The following ARK2N variants were observed in gnomAD, a reference collection of about 807,000 sequenced individuals.
ARK2N encodes protein ARK2N.
the ARK2N span, among the ~76,000 whole-genome samples, chr18:46,259,665 G>T: frequency 6.6e-6 from 1 of 151,992 alleles, no homozygotes; most frequent in Non-Finnish European, 1.5e-5. Flanking sequence ...GAGTGCAGTA[G>T]CATGATCTCT....
chr18:46,201,529 T>C, the ARK2N span, among the ~76,000 whole-genome samples: 1 of 152,134 alleles, frequency 6.6e-6, no homozygotes, highest in African/African-American at 2.4e-5. Flanking sequence ...CGGATTTCTT[T>C]GCTTTTTCAG....
the ARK2N span, among the ~76,000 whole-genome samples, chr18:46,245,704 T>G: frequency 6.6e-6 from 1 of 152,216 alleles, no homozygotes; most frequent in Non-Finnish European, 1.5e-5. Flanking sequence ...TATGTAGTAT[T>G]ACTTTCTCTT....
At chr18:46,243,817 A>G in the ARK2N span, among the ~76,000 whole-genome samples, 1 of 152,188 alleles carries the variant, frequency 6.6e-6, no homozygotes, top group Non-Finnish European at 1.5e-5. Flanking sequence ...CTACTCCAAA[A>G]GGTTATTGTT....
chr18:46,221,985 ACTGT>A, the ARK2N span, among the ~76,000 whole-genome samples: 2 of 152,232 alleles, frequency 1.3e-5, no homozygotes, highest in Non-Finnish European at 2.9e-5. Context: ...TCAGGTAAAA[ACTGT>A]CTATTTTCAG....
At chr18:46,196,050 G>A in the ARK2N span, among the ~76,000 whole-genome samples, 8 of 151,338 alleles carry the variant, frequency 5.3e-5, no homozygotes, top group Non-Finnish European at 1.0e-4. Flanking sequence ...GTGCGATCTC[G>A]GCTCACAGCA....
the ARK2N span, among the ~76,000 whole-genome samples, chr18:46,200,311 C>T: frequency 2.7e-5 from 4 of 146,800 alleles, no homozygotes; most frequent in East Asian, 1.9e-4. Flanking sequence ...TTTGTTTGTT[C>T]GTTTGTTTTT....
chr18:46,207,780 AC>A, the ARK2N span, among the ~76,000 whole-genome samples: 35 of 152,164 alleles, frequency 2.3e-4, no homozygotes, highest in Admixed American at 1.4e-3. Context: ...AATAACTGCA[AC>A]CCTTCCATAA....
chr18:46,220,548 A>G, the ARK2N span, among the ~76,000 whole-genome samples: 1 of 152,192 alleles, frequency 6.6e-6, no homozygotes, highest in African/African-American at 2.4e-5. Context: ...ATCACCCACA[A>G]TTCTGCTTTT....
chr18:46,266,597 A>G, the ARK2N span: 243 of 152,768 alleles, frequency 1.6e-3, no homozygotes, highest in African/African-American at 5.7e-3. Context: ...TTTCTTAAAG[A>G]GTACAGAGGC....
chr18:46,199,418 G>A, the ARK2N span, among the ~76,000 whole-genome samples: 1 of 151,102 alleles, frequency 6.6e-6, no homozygotes, highest in Non-Finnish European at 1.5e-5. Flanking sequence ...GGCTTCAAGC[G>A]ATTCTTCCTG....
At chr18:46,176,659 C>T in the ARK2N span, among the ~76,000 whole-genome samples, 1 of 149,932 alleles carries the variant, frequency 6.7e-6, no homozygotes, top group African/African-American at 2.5e-5. Context: ...GAGTTTTGCT[C>T]TTGTTGCCCA....
At chr18:46,180,335 A>G in the ARK2N span, among the ~76,000 whole-genome samples, 1 of 152,262 alleles carries the variant, frequency 6.6e-6, no homozygotes, top group East Asian at 1.9e-4. Context: ...CTTAATGCAT[A>G]TGTGGTATTT....
chr18:46,230,416 C>T, the ARK2N span, among the ~76,000 whole-genome samples: 2 of 152,132 alleles, frequency 1.3e-5, no homozygotes, highest in East Asian at 1.9e-4. Context: ...GCCCTCCCTT[C>T]GTTTCCTCTG....
chr18:46,217,708 T>G, the ARK2N span: 1 of 152,208 alleles, frequency 6.6e-6, no homozygotes, highest in Non-Finnish European at 1.5e-5. Flanking sequence ...GGTGTTCAAG[T>G]TCTGATAATA....
At chr18:46,187,993 A>T in the ARK2N span, among the ~76,000 whole-genome samples, 1 of 152,136 alleles carries the variant, frequency 6.6e-6, no homozygotes, top group East Asian at 1.9e-4. Flanking sequence ...TGTATGGCAT[A>T]GTTTTTCTTT....
At chr18:46,235,351 T>G in the ARK2N span, among the ~76,000 whole-genome samples, 1 of 152,236 alleles carries the variant, frequency 6.6e-6, no homozygotes, top group Admixed American at 6.5e-5. Flanking sequence ...GGCACTGGCC[T>G]AGGCACTGAT....
the ARK2N span, among the ~76,000 whole-genome samples, chr18:46,243,119 G>A: frequency 9.2e-5 from 14 of 152,246 alleles, no homozygotes; most frequent in African/African-American, 3.1e-4. Flanking sequence ...ATACTGGTAT[G>A]TGGGTAATAA....
At chr18:46,219,667 T>G in the ARK2N span, among the ~76,000 whole-genome samples, 14 of 152,170 alleles carry the variant, frequency 9.2e-5, no homozygotes, top group Non-Finnish European at 1.8e-4. Context: ...AGACGGGGTT[T>G]CACCATGTTG....
chr18:46,261,097 A>C, the ARK2N span, among the ~76,000 whole-genome samples: 2 of 152,228 alleles, frequency 1.3e-5, no homozygotes, highest in Admixed American at 6.5e-5. Flanking sequence ...GTTTCTAGCC[A>C]GCTTTACTTC....
Sources: allele counts gnomAD v4.1 joint callset (sites outside exome capture counted in the v4.1 genomes callset), GRCh38; gene constraint gnomAD v4.1.1; transcripts MANE v1.5; gene names NCBI Gene and HGNC (gene_info 2026-07-23, HGNC 2026-07-21).